SNU13: variants seen among roughly 807,000 people sequenced by gnomAD.
SNU13 encodes small nuclear ribonucleoprotein 13, also known as NHP2-like protein 1.
Under a neutral mutation model 12.4 loss-of-function variants are expected in SNU13, and 2 were observed. That is an observed-to-expected ratio of 0.16 (90% CI 0.07 to 0.51). SNU13 has a LOEUF of 0.51. Ranked by LOEUF, SNU13 falls within the 20% of genes least tolerant of loss-of-function variation. The pLI is 0.96. For synonymous variants in SNU13, 68 were observed against 66.5 expected (o/e 1.02, Z -0.11); for missense variants, 66 against 157.8 (o/e 0.42, Z 3.12).
chr22:41,688,976 C>T (rs1315745187), upstream of SNU13: 2 of 1,346,470 alleles, frequency 1.5e-6, no homozygotes, highest in South Asian at 1.8e-5. Context: ...GGCGCGGAAA[C>T]TGGCCCTGTG....
intron 2 of SNU13, among the ~76,000 whole-genome samples, chr22:41,677,206 T>C (rs1411253307): frequency 6.6e-6 from 1 of 152,152 alleles, no homozygotes; most frequent in Non-Finnish European, 1.5e-5. Flanking sequence ...CTTAATAGGA[T>C]TATTGAAAGG....
chr22:41,689,695 G>C (rs999738564), upstream of SNU13, among the ~76,000 whole-genome samples: 1 of 137,598 alleles, frequency 7.3e-6, no homozygotes. Context: ...AAAAAAAAGA[G>C]GGCCGGGTGC....
intron 1 of SNU13, among the ~76,000 whole-genome samples, chr22:41,685,641 T>C (rs2068304615): frequency 6.7e-6 from 1 of 148,256 alleles, no homozygotes; most frequent in Admixed American, 6.7e-5. Context: ...CATGAGCCAC[T>C]GCACCCGGCC....
intron 2 of SNU13, among the ~76,000 whole-genome samples, chr22:41,676,713 C>T (rs1055320137): frequency 9.9e-5 from 15 of 152,184 alleles, no homozygotes; most frequent in African/African-American, 3.4e-4. Context: ...TCATCTATCC[C>T]ATGTGGCATT....
intron 2 of SNU13, among the ~76,000 whole-genome samples, chr22:41,677,960 T>A (rs2068228170): frequency 6.6e-6 from 1 of 151,550 alleles, no homozygotes; most frequent in South Asian, 2.1e-4. Context: ...TTCTCTACTT[T>A]ATTCTGTTTT....
chr22:41,674,890 C>A lies in SNU13; in HGVS notation c.*43G>T. On this transcript the variant is annotated 3_prime_UTR_variant, in exon 3 of 3. Transcript: ENST00000401959. Reference sequence around the variant, plus strand: ...ACACAGATAATATGATACACAACCTCAGGGGGGAAGCTGGCAGGGAGCACG... The same window carrying A: ...ACACAGATAATATGATACACAACCTAAGGGGGGAAGCTGGCAGGGAGCACG... 1 of 1,600,354 alleles carries A rather than the reference C, an allele frequency of 6.2e-7. No individual in the cohort carries two copies. The highest frequency in any genetic ancestry group is 8.5e-7 in the Non-Finnish European group (1 of 1,170,964).
At chr22:41,688,678 A>C (rs1047402982) in intron 1 of SNU13, 116 bp downstream of exon 1, 46 of 1,407,930 alleles carry the variant, frequency 3.3e-5, no homozygotes, top group Non-Finnish European at 4.4e-5. Context: ...GGCGGTTAAG[A>C]CCCAACGCCG....
At chr22:41,686,632 AT>A (rs1007894806) in intron 1 of SNU13, among the ~76,000 whole-genome samples, 10 of 125,766 alleles carry the variant, frequency 8.0e-5, no homozygotes, top group African/African-American at 1.5e-4. Flanking sequence ...TACAGTAGGG[AT>A]TTTTTTTTTC....
rs1396885334 is a variant in SNU13, at chr22:41,680,234, G to T, written c.124+10C>A. The T allele has an allele frequency of 6.2e-7, 1 of 1,607,222 alleles. No homozygotes were observed. Among genetic ancestry groups the T allele is most frequent in the Non-Finnish European group, 8.5e-7 (1 of 1,175,586 alleles). On this transcript the variant is annotated intron_variant, in intron 2 of 2. Transcript: ENST00000401959. ...TAACATTCCCCCAGAGCATCCTGTG[G>T]CTGCCTTACCCTCATTGGCTCCTTT... is the stretch of plus-strand genomic sequence containing the variant.
chr22:41,684,125 G>A (rs1476710060), intron 1 of SNU13, among the ~76,000 whole-genome samples: 4 of 151,998 alleles, frequency 2.6e-5, no homozygotes, highest in African/African-American at 4.8e-5. Flanking sequence ...GGCTGGTCTC[G>A]AACTCCTGAC....
At chr22:41,687,975 G>A (rs1601577978) in intron 1 of SNU13, 1 of 152,118 alleles carries the variant, frequency 6.6e-6, no homozygotes. Flanking sequence ...TGCTACCGCC[G>A]GGATCCAAGC....
chr22:41,688,853 C>T lies in SNU13; in HGVS notation c.-57G>A. On this transcript the variant is annotated 5_prime_UTR_variant, in exon 1 of 3. Coordinates refer to ENST00000401959, the MANE Select transcript of SNU13 (RefSeq NM_001003796.2). ...GGGAGCGCAGCTGACGTTTCAGAAGCACTCGCGTGCACCGGAAAAACTCAC... is the reference window on the plus strand; with the variant it reads ...GGGAGCGCAGCTGACGTTTCAGAAGTACTCGCGTGCACCGGAAAAACTCAC... 2 of 1,538,736 alleles carry T rather than the reference C, an allele frequency of 1.3e-6. No homozygotes were observed. Among genetic ancestry groups the T allele is most frequent in the Non-Finnish European group, 1.8e-6 (2 of 1,133,776 alleles).
At chr22:41,686,592 G>A (rs2068312217) in intron 1 of SNU13, among the ~76,000 whole-genome samples, 1 of 150,244 alleles carries the variant, frequency 6.7e-6, no homozygotes, top group Admixed American at 6.7e-5. Context: ...GAGCTACCAC[G>A]TCCGGCCATA....
At chr22:41,682,291 C>G in intron 1 of SNU13, 19 of 1,521,202 alleles carry the variant, frequency 1.2e-5, no homozygotes, top group Non-Finnish European at 1.6e-5. Flanking sequence ...ACAGCGGGAC[C>G]ACGCTCGCGG....
At chr22:41,684,267 G>A (rs1052033201) in intron 1 of SNU13, among the ~76,000 whole-genome samples, 1 of 152,114 alleles carries the variant, frequency 6.6e-6, no homozygotes, top group Non-Finnish European at 1.5e-5. Context: ...GAGAAAGAGG[G>A]GCTTCGGAAA....
chr22:41,682,345 G>A, intron 1 of SNU13: 1 of 1,613,076 alleles, frequency 6.2e-7, no homozygotes, highest in African/African-American at 1.3e-5. Flanking sequence ...TGGCCCAGTA[G>A]GAACACTCAC....
chr22:41,679,036 T>A (rs1227272422), intron 2 of SNU13, among the ~76,000 whole-genome samples: 1 of 152,082 alleles, frequency 6.6e-6, no homozygotes, highest in Non-Finnish European at 1.5e-5. Flanking sequence ...GGCAGGCAGA[T>A]TGCCTGAGCT....
At chr22:41,684,448 T>C (rs915855865) in intron 1 of SNU13, among the ~76,000 whole-genome samples, 3 of 152,218 alleles carry the variant, frequency 2.0e-5, no homozygotes, top group Non-Finnish European at 4.4e-5. Flanking sequence ...ACTTTCATTA[T>C]ATCCTTTCAT....
chr22:41,675,634 C>A (rs1383793770), intron 2 of SNU13, among the ~76,000 whole-genome samples: 1 of 151,924 alleles, frequency 6.6e-6, no homozygotes, highest in Admixed American at 6.6e-5. Context: ...GTTGTCCAGG[C>A]TGGTCTCAAA....
Sources: gnomAD v4.1 joint callset for allele counts (sites outside exome capture counted in the v4.1 genomes callset) on GRCh38, gnomAD v4.1.1 for gene constraint, MANE v1.5 for transcripts, NCBI Gene and HGNC (gene_info 2026-07-23, HGNC 2026-07-21) for gene names.